Variants in MOB1B observed in about 807,000 individuals in gnomAD.
MOB1B encodes the protein MOB1 Mps One Binder homolog B.
Under a neutral mutation model 24.4 loss-of-function variants are expected in MOB1B, and 19 were observed. The ratio of observed to expected loss-of-function variants is 0.78; its 90% CI spans 0.54 to 1.14. The LOEUF (loss-of-function observed/expected upper bound fraction) is 1.14, where lower values mean the gene tolerates loss of function less well. Among genes scored for constraint, MOB1B ranks in the 50% most tolerant of loss-of-function variants. MOB1B has a pLI of 0.00. For synonymous variants in MOB1B, 76 were observed against 82.1 expected (o/e 0.93, Z 0.40); for missense variants, 243 against 259.6 (o/e 0.94, Z 0.44).
At chr4:70,950,871 T>A in intron 1 of MOB1B, 1 of 949,742 alleles carries the variant, frequency 1.1e-6, no homozygotes. Context: ...AACATAAGTT[T>A]CAGTAGTAAG....
chr4:70,913,076 A>G (rs1736059395), intron 1 of MOB1B, among the ~76,000 whole-genome samples: 1 of 152,008 alleles, frequency 6.6e-6, no homozygotes, highest in Admixed American at 6.6e-5. Context: ...TCAAACTGAA[A>G]TAGTTTGTCA....
At chr4:70,975,658 A>G (rs1476145753) in intron 4 of MOB1B, 49 of 955,820 alleles carry the variant, frequency 5.1e-5, no homozygotes, top group Non-Finnish European at 5.9e-5. Flanking sequence ...TAACACTTTA[A>G]AAAAATTATG....
At chr4:70,961,965 G>A (rs370505616) in intron 2 of MOB1B, among the ~76,000 whole-genome samples, 6 of 152,170 alleles carry the variant, frequency 3.9e-5, no homozygotes, top group Admixed American at 3.3e-4. Context: ...ATTGGCTCAC[G>A]CTATAATCCC....
At chr4:70,904,328 C>A (rs746122552) in intron 1 of MOB1B, among the ~76,000 whole-genome samples, 1 of 151,994 alleles carries the variant, frequency 6.6e-6, no homozygotes, top group African/African-American at 2.4e-5. Context: ...GGTATCTCAA[C>A]TTGAAGCTTC....
intron 1 of MOB1B, among the ~76,000 whole-genome samples, chr4:70,957,259 C>CAAAA (rs1247828205): frequency 1.6e-5 from 1 of 63,488 alleles, no homozygotes; most frequent in African/African-American, 4.3e-5. Context: ...GACTATGTCT[C>CAAAA]AAAAAAAAAA....
At chr4:70,953,850 A>G (rs1357408138) in intron 1 of MOB1B, among the ~76,000 whole-genome samples, 5 of 152,336 alleles carry the variant, frequency 3.3e-5, no homozygotes, top group Admixed American at 3.3e-4. Flanking sequence ...AGGCTGAGGC[A>G]GGAGAATCAC....
chr4:70,901,966 C>T (rs1202974306), upstream of MOB1B, among the ~76,000 whole-genome samples: 1 of 152,150 alleles, frequency 6.6e-6, no homozygotes, highest in East Asian at 1.9e-4. Flanking sequence ...CGCCCTTGGC[C>T]GGACACTCAC....
chr4:70,929,771 G>T (rs1390299869), intron 1 of MOB1B, among the ~76,000 whole-genome samples: 1 of 151,612 alleles, frequency 6.6e-6, no homozygotes, highest in South Asian at 2.1e-4. Context: ...TCAGCCTCCC[G>T]AGTAGCTGGG....
rs1276333824 is a variant in MOB1B at position 70,958,996 on chromosome 4, T to TCC, written c.137_138insCC (p.Met46IlefsTer42). 1 of 1,614,170 alleles carries TCC rather than the reference T, an allele frequency of 6.2e-7. No homozygotes were observed. Among genetic ancestry groups the TCC allele is most frequent in the Admixed American group, 1.7e-5 (1 of 60,014 alleles). On this transcript the variant is annotated frameshift_variant, in exon 2 of 6. Transcript: ENST00000309395. LOFTEE classifies it high-confidence loss of function. Reference sequence around the variant, plus strand: ...AGTGGCAACCTTCGGATGGCTGTCATGCTTCCTGAAGGGGAAGATCTCAAT... The same window carrying TCC: ...AGTGGCAACCTTCGGATGGCTGTCATCCGCTTCCTGAAGGGGAAGATCTCAAT...
chr4:70,926,297 T>G (rs1396153539), intron 1 of MOB1B, among the ~76,000 whole-genome samples: 8 of 151,498 alleles, frequency 5.3e-5, no homozygotes, highest in Admixed American at 5.3e-4. Flanking sequence ...CTGAAGATTG[T>G]CATGGGAGAG....
chr4:70,940,670 G>A (rs1323440713), intron 1 of MOB1B, among the ~76,000 whole-genome samples: 1 of 151,194 alleles, frequency 6.6e-6, no homozygotes, highest in Non-Finnish European at 1.5e-5. Context: ...TAATATTAGG[G>A]CATTAATTTT....
intron 1 of MOB1B, among the ~76,000 whole-genome samples, chr4:70,932,321 A>G (rs1736918412): frequency 6.6e-6 from 1 of 152,230 alleles, no homozygotes; most frequent in South Asian, 2.1e-4. Flanking sequence ...CTTACCTGGA[A>G]TCACGTAACT....
intron 1 of MOB1B, among the ~76,000 whole-genome samples, chr4:70,952,642 CAA>C (rs541028817): frequency 7.4e-5 from 4 of 54,022 alleles, no homozygotes; most frequent in Admixed American, 4.2e-4. Context: ...GACGCCGTCT[CAA>C]AAAAAAAAAA....
Position 70,979,292 on chromosome 4 carries a change from G to A in MOB1B, c.573+1G>A. 1.9e-6 allele frequency: 3 copies of A among 1,611,852 alleles called. No individual in the cohort carries two copies. The highest frequency in any genetic ancestry group is 2.5e-6 in the Non-Finnish European group (3 of 1,179,370). On this transcript the variant is annotated splice_donor_variant, in intron 5 of 5. Coordinates refer to ENST00000309395, the MANE Select transcript of MOB1B (RefSeq NM_173468.4). LOFTEE classifies it high-confidence loss of function. ...CAAGCACTTTATTTTTTTTGTCCAG[G>A]TAAGTTGGATTAGGAGGCCTTTGGT...
chr4:70,913,915 A>G (rs1172641179), intron 1 of MOB1B, among the ~76,000 whole-genome samples: 1 of 65,688 alleles, frequency 1.5e-5, no homozygotes, highest in African/African-American at 3.3e-5. Context: ...GGAGGAATTT[A>G]CTCTTTTTTT....
chr4:70,959,948 A>G (rs1738234363), intron 2 of MOB1B, among the ~76,000 whole-genome samples: 1 of 152,038 alleles, frequency 6.6e-6, no homozygotes, highest in Non-Finnish European at 1.5e-5. Flanking sequence ...CAGTGACATG[A>G]TCTCGGCTCA....
chr4:70,953,489 G>A (rs1214425723), intron 1 of MOB1B, among the ~76,000 whole-genome samples: 3 of 152,180 alleles, frequency 2.0e-5, no homozygotes, highest in Non-Finnish European at 2.9e-5. Flanking sequence ...ATGAGGAACG[G>A]AGAAGAGAGT....
intron 4 of MOB1B, among the ~76,000 whole-genome samples, chr4:70,977,716 G>A (rs570782478): frequency 1.4e-4 from 21 of 151,598 alleles, no homozygotes; most frequent in Admixed American, 3.9e-4. Flanking sequence ...TTTTGAGACA[G>A]GGTCTCACTC....
chr4:70,958,805 T>C, intron 1 of MOB1B, 69 bp from the exon 2 acceptor site: 1 of 1,366,196 alleles, frequency 7.3e-7, no homozygotes, highest in South Asian at 1.2e-5. Context: ...GGTCTAATGC[T>C]TGGTGAATGA....
Sources: allele counts gnomAD v4.1 joint callset (sites outside exome capture counted in the v4.1 genomes callset), GRCh38; gene constraint gnomAD v4.1.1; transcripts MANE v1.5; gene names NCBI Gene and HGNC (gene_info 2026-07-23, HGNC 2026-07-21).